CALCRL: variants seen among roughly 807,000 people sequenced by gnomAD.
CALCRL encodes calcitonin receptor like receptor, also known as calcitonin gene-related peptide type 1 receptor.
CALCRL carries 27 observed loss-of-function variants against 60.4 expected under a neutral mutation model. That is an observed-to-expected ratio of 0.45 (90% CI 0.33 to 0.62). CALCRL has a LOEUF of 0.62. CALCRL is among the 20% of genes least tolerant of loss of function. The probability of loss-of-function intolerance (pLI) is 0.03; values close to 1 mark genes in which losing one functional copy is unlikely to be tolerated. For missense variants in CALCRL, 424 were observed against 540.7 expected, an observed-to-expected ratio of 0.78 and a Z score of 2.14; for synonymous variants, 190 against 182.6, an observed-to-expected ratio of 1.04 and a Z score of -0.33.
At chr2:187,356,860 C>G (rs1008024435) in intron 12 of CALCRL, among the ~76,000 whole-genome samples, 1 of 152,136 alleles carries the variant, frequency 6.6e-6, no homozygotes, top group Non-Finnish European at 1.5e-5. Context: ...ACAGGCACTT[C>G]TCAAAAGAAG....
intron 1 of CALCRL, among the ~76,000 whole-genome samples, chr2:187,419,556 G>A (rs1000459862): frequency 1.3e-5 from 2 of 152,090 alleles, no homozygotes; most frequent in African/African-American, 4.8e-5. Context: ...GTTAGCTTGG[G>A]CCAGCTCACA....
At chr2:187,429,690 C>T (rs1690313964) in intron 1 of CALCRL, among the ~76,000 whole-genome samples, 1 of 152,136 alleles carries the variant, frequency 6.6e-6, no homozygotes. Flanking sequence ...AGTGAATTTA[C>T]ACCTTAAACT....
intron 1 of CALCRL, among the ~76,000 whole-genome samples, chr2:187,397,263 G>GT (rs982127906): frequency 4.0e-5 from 6 of 150,608 alleles, no homozygotes; most frequent in East Asian, 3.9e-4. Context: ...TGCATCTTGA[G>GT]TTTTTTTTTA....
intron 1 of CALCRL, among the ~76,000 whole-genome samples, chr2:187,391,431 G>T (rs3821183): frequency 6.6e-6 from 1 of 151,938 alleles, no homozygotes; most frequent in African/African-American, 2.4e-5. Context: ...AATGAAAAGA[G>T]GTCAAGTTAA....
At chr2:187,424,218 C>A (rs898170647) in intron 1 of CALCRL, among the ~76,000 whole-genome samples, 1 of 152,006 alleles carries the variant, frequency 6.6e-6, no homozygotes, top group Non-Finnish European at 1.5e-5. Context: ...TTGAATCAAG[C>A]TTTACCCTCC....
rs143672359 is a variant in CALCRL, at chr2:187,380,475, T to C, written c.400A>G (p.Lys134Glu). ...TCAGAATTATGACATACCTTCACTT[T>C]CTCGTGGGTGTTAACATTACACTGG... ...YTQCNVNTHEKVKTALNLFYL... is the reference protein window; with the variant it reads ...YTQCNVNTHEEVKTALNLFYL... The change falls in exon 7 of 15, where the codon AAA becomes GAA. Residue 134 changes from lysine (K) to glutamate (E), a missense_variant. By Grantham distance (56) the Lys-to-Glu change is moderately conservative (BLOSUM62 1). Transcript: ENST00000392370. 1.9e-6 allele frequency: 3 copies of C among 1,585,762 alleles called. No individual in the cohort carries two copies. The African/African-American group carries it at 4.0e-5, about 21-fold the overall frequency.
chr2:187,436,846 A>T (rs996585568), intron 1 of CALCRL, among the ~76,000 whole-genome samples: 1 of 152,080 alleles, frequency 6.6e-6, no homozygotes, highest in Non-Finnish European at 1.5e-5. Context: ...CTCTCCTTTT[A>T]TCTTCTCTTT....
At chr2:187,425,101 CAAA>C (rs1690062420) in intron 1 of CALCRL, among the ~76,000 whole-genome samples, 1 of 151,774 alleles carries the variant, frequency 6.6e-6, no homozygotes, top group African/African-American at 2.4e-5. Flanking sequence ...GAATTTGTCT[CAAA>C]GAACAATGTT....
chr2:187,443,761 CTCTT>C lies in CALCRL; in HGVS notation c.-293+4274_-293+4277del, dbSNP rs1045474839. On this transcript the variant is annotated intron_variant, in intron 1 of 14. Coordinates refer to ENST00000392370, the MANE Select transcript of CALCRL (RefSeq NM_005795.6). ...ACATTCTTTTCCCATGGTTTTAACT[CTCTT>C]TGTCTATTATAATGTTATTTATTGC... 1.8e-4 allele frequency among the ~76,000 whole-genome samples: 27 copies of C among 151,582 alleles called. 1 individual carries two copies. The highest frequency in any genetic ancestry group is 1.5e-3 in the Admixed American group (22 of 15,168).
intron 8 of CALCRL, among the ~76,000 whole-genome samples, chr2:187,375,412 G>A (rs1687712780): frequency 6.6e-6 from 1 of 151,730 alleles, no homozygotes; most frequent in African/African-American, 2.4e-5. Flanking sequence ...TACTTTCAGT[G>A]AAAACTTCAA....
At chr2:187,361,523 C>T (rs957460392) in intron 9 of CALCRL, among the ~76,000 whole-genome samples, 3 of 151,758 alleles carry the variant, frequency 2.0e-5, no homozygotes, top group African/African-American at 7.3e-5. Context: ...AGTTTAGTGG[C>T]AATTATCATT....
At chr2:187,401,533 ATAAATT>A (rs1156424786) in intron 1 of CALCRL, among the ~76,000 whole-genome samples, 1 of 151,670 alleles carries the variant, frequency 6.6e-6, no homozygotes, top group Non-Finnish European at 1.5e-5. Flanking sequence ...CCTTTGATAA[ATAAATT>A]TAAGTTTATA....
At chr2:187,432,919 G>C (rs1690463041) in intron 1 of CALCRL, among the ~76,000 whole-genome samples, 1 of 152,020 alleles carries the variant, frequency 6.6e-6, no homozygotes, top group Non-Finnish European at 1.5e-5. Flanking sequence ...CAGTGATACA[G>C]ATTCGCATTC....
rs567109697 is a variant in CALCRL at position 187,345,777 on chromosome 2, T to A, written c.*407A>T. 6.4e-6 allele frequency: 1 copy of A among 155,196 alleles called. No homozygotes were observed. The highest frequency in any genetic ancestry group is 2.4e-5 in the African/African-American group (1 of 41,604). 9.6% of individuals were successfully genotyped at this position (155,196 alleles called of 1,614,324 possible). The stretch of plus-strand genomic sequence containing the variant: ...TCCCTTCATGTTTATAGACCTTAGC[T>A]AGGTCTCTTGGGGCAATAAGGGTAG... On this transcript the variant is annotated 3_prime_UTR_variant, in exon 15 of 15. Coordinates refer to ENST00000392370, the MANE Select transcript of CALCRL (RefSeq NM_005795.6).
chr2:187,351,723 G>T (rs1686540726), intron 14 of CALCRL, among the ~76,000 whole-genome samples, 197 bp downstream of exon 14: 1 of 151,774 alleles, frequency 6.6e-6, no homozygotes, highest in Non-Finnish European at 1.5e-5. Context: ...CCCTGGCTTT[G>T]AACTCCAATA....
intron 1 of CALCRL, among the ~76,000 whole-genome samples, chr2:187,429,489 A>G (rs1690305317): frequency 6.6e-6 from 1 of 152,152 alleles, no homozygotes; most frequent in African/African-American, 2.4e-5. Context: ...TTTATATTCC[A>G]CGGCAGTGGT....
intron 1 of CALCRL, among the ~76,000 whole-genome samples, chr2:187,433,502 T>C (rs1690492857): frequency 6.6e-6 from 1 of 152,066 alleles, no homozygotes; most frequent in Admixed American, 6.6e-5. Flanking sequence ...TGTACTAAAA[T>C]GGATTAATAG....
chr2:187,399,699 ATCTGAGTGTCCATCAGC>A (rs1193454981), intron 1 of CALCRL, among the ~76,000 whole-genome samples: 1 of 151,638 alleles, frequency 6.6e-6, no homozygotes, highest in African/African-American at 2.4e-5. Flanking sequence ...TATGGAGTCA[ATCTGAGTGTCCATCAGC>A]AGATGAATGG....
At chr2:187,356,804 A>G (rs899189491) in intron 12 of CALCRL, among the ~76,000 whole-genome samples, 2 of 152,220 alleles carry the variant, frequency 1.3e-5, no homozygotes, top group Admixed American at 6.5e-5. Flanking sequence ...ACAAATTTAC[A>G]AGAAATAAAC....
Sources: gnomAD v4.1 joint callset for allele counts (sites outside exome capture counted in the v4.1 genomes callset) on GRCh38, gnomAD v4.1.1 for gene constraint, MANE v1.5 for transcripts, NCBI Gene and HGNC (gene_info 2026-07-23, HGNC 2026-07-21) for gene names.